DOCK3: variants seen among roughly 807,000 people sequenced by gnomAD.
The protein encoded by DOCK3 is dedicator of cytokinesis protein 3.
DOCK3 carries 60 observed loss-of-function variants against 265.6 expected under a neutral mutation model. The ratio of observed to expected loss-of-function variants is 0.23; its 90% CI spans 0.18 to 0.28. The LOEUF is 0.28. Among genes scored for constraint, DOCK3 ranks in the 10% least tolerant of loss-of-function variants. DOCK3 has a pLI of 1.00. For synonymous variants in DOCK3, 881 were observed against 938.0 expected (o/e 0.94, Z 1.11); for missense variants, 1,981 against 2,594.3 (o/e 0.76, Z 5.14).
intron 2 of DOCK3, among the ~76,000 whole-genome samples, chr3:50,790,837 A>G (rs1221598820): frequency 6.6e-6 from 1 of 151,982 alleles, no homozygotes; most frequent in African/African-American, 2.4e-5. Flanking sequence ...ATGGTATCTC[A>G]TTGTGATTTT....
At chr3:50,768,283 A>G (rs1250713371) in intron 1 of DOCK3, among the ~76,000 whole-genome samples, 1 of 152,108 alleles carries the variant, frequency 6.6e-6, no homozygotes, top group Admixed American at 6.6e-5. Flanking sequence ...TTATTTTGAG[A>G]TATGTCCCAT....
chr3:51,294,307 G>A (rs1184171634), intron 27 of DOCK3, among the ~76,000 whole-genome samples: 1 of 152,140 alleles, frequency 6.6e-6, no homozygotes, highest in African/African-American at 2.4e-5. Context: ...GATGAACCTG[G>A]AGGACATTAT....
chr3:51,093,363 G>A (rs149173528), intron 9 of DOCK3, among the ~76,000 whole-genome samples: 189 of 152,272 alleles, frequency 1.2e-3, no homozygotes, highest in African/African-American at 4.2e-3. Context: ...TCCTTGAGCA[G>A]TGGTTTGTAG....
At chr3:51,282,173 C>G (rs1208573626) in intron 27 of DOCK3, among the ~76,000 whole-genome samples, 2 of 152,080 alleles carry the variant, frequency 1.3e-5, no homozygotes, top group South Asian at 2.1e-4. Flanking sequence ...GAGGAAGTAA[C>G]TTGTGGAATG....
chr3:51,307,592 C>T (rs2082756806), intron 27 of DOCK3, among the ~76,000 whole-genome samples: 1 of 152,184 alleles, frequency 6.6e-6, no homozygotes. Flanking sequence ...ACTGTCATTG[C>T]TCCAGCACTT....
intron 12 of DOCK3, among the ~76,000 whole-genome samples, chr3:51,194,753 G>T (rs1576371732): frequency 6.6e-6 from 1 of 150,604 alleles, no homozygotes; most frequent in East Asian, 2.0e-4. Flanking sequence ...TATTTGCAGA[G>T]AATATCTTGT....
chr3:51,274,267 T>C (rs1175038432), intron 24 of DOCK3, among the ~76,000 whole-genome samples: 1 of 152,150 alleles, frequency 6.6e-6, no homozygotes, highest in Non-Finnish European at 1.5e-5. Flanking sequence ...CTAACAAGCC[T>C]GTGGGGGAAA....
chr3:51,020,569 C>T lies in DOCK3; in HGVS notation c.316-43879C>T, dbSNP rs548960321. Among the ~76,000 whole-genome samples, 3 of 151,930 alleles carry T rather than the reference C, an allele frequency of 2.0e-5. No homozygotes were observed. In the East Asian group the frequency reaches 5.8e-4, roughly 29 times the overall value. On this transcript the variant is annotated intron_variant, in intron 5 of 52. Transcript: ENST00000266037. ...TTTTGCTGTATCCTGGATGTTATTG[C>T]CTAGGTTGTCTTCCAGGGTTTTTAT...
In DOCK3 at chr3:50,675,550, G is replaced by T. The variant is rs573797249; in HGVS notation, c.37+250G>T. On this transcript the variant is annotated intron_variant, in intron 1 of 52. Transcript: ENST00000266037. The surrounding 1 kb of genome is among the most constrained non-coding windows in gnomAD (Gnocchi z 6.1). ...CTTGGCAGGTGCGGCCCGCGGGAGG[G>T]GTGGGCAAGGCCCGGGCAGTTGCCC... 4.5e-4 allele frequency among the ~76,000 whole-genome samples: 68 copies of T among 152,268 alleles called. No individual in the cohort carries two copies. The highest frequency in any genetic ancestry group is 8.7e-4 in the Non-Finnish European group (59 of 67,994).
rs1021385454 is a variant in DOCK3 at position 51,311,716 on chromosome 3, G to T, written c.3018-288G>T. ...ACCACCTTTTATAGGCAGGGAAAAT[G>T]AGACCCAGAGAGAAGTATGAAGGCC... On this transcript the variant is annotated intron_variant, in intron 28 of 52. Coordinates refer to ENST00000266037, the MANE Select transcript of DOCK3 (RefSeq NM_004947.5). Among the ~76,000 whole-genome samples, 5 of 152,276 alleles carry T rather than the reference G, an allele frequency of 3.3e-5. No homozygotes were observed. The South Asian group carries it at 1.0e-3, about 32-fold the overall frequency.
chr3:51,083,708 C>T (rs1354540037), intron 7 of DOCK3, among the ~76,000 whole-genome samples: 5 of 152,150 alleles, frequency 3.3e-5, no homozygotes, highest in African/African-American at 4.8e-5. Context: ...TCTGGCCAAG[C>T]GCAGTGGCTC....
At chr3:51,041,162 G>GTGTGTA (rs1449167574) in intron 5 of DOCK3, among the ~76,000 whole-genome samples, 1 of 30,860 alleles carries the variant, frequency 3.2e-5, no homozygotes, top group Non-Finnish European at 7.1e-5. Context: ...CTTACAAAAT[G>GTGTGTA]TATATATATA....
intron 5 of DOCK3, among the ~76,000 whole-genome samples, chr3:51,010,321 A>C (rs1056466163): frequency 1.3e-5 from 2 of 152,178 alleles, no homozygotes; most frequent in Non-Finnish European, 2.9e-5. Context: ...GTGCATATAC[A>C]TTTAGGATAT....
intron 3 of DOCK3, among the ~76,000 whole-genome samples, chr3:50,882,663 T>G (rs2048108680): frequency 6.6e-6 from 1 of 152,170 alleles, no homozygotes; most frequent in African/African-American, 2.4e-5. Context: ...TTTTACACTG[T>G]TGGTGGGACT....
intron 1 of DOCK3, among the ~76,000 whole-genome samples, chr3:50,774,789 A>G (rs1576398101): frequency 1.3e-5 from 2 of 151,998 alleles, no homozygotes; most frequent in East Asian, 1.9e-4. Context: ...TGTTTTGTAT[A>G]TCACCAGTGT....
intron 2 of DOCK3, among the ~76,000 whole-genome samples, chr3:50,825,507 A>G (rs2044706693): frequency 6.6e-6 from 1 of 152,116 alleles, no homozygotes; most frequent in Non-Finnish European, 1.5e-5. Flanking sequence ...CTCCTGGTAG[A>G]AGTTTTGAGG....
intron 27 of DOCK3, among the ~76,000 whole-genome samples, chr3:51,305,713 T>TGCCTGTGTGTGTGTGTGTGC (rs2082619531): frequency 8.5e-6 from 1 of 118,044 alleles, no homozygotes; most frequent in Non-Finnish European, 1.7e-5. Flanking sequence ...AGTGTGTGTG[T>TGCCTGTGTGTGTGTGTGTGC]GTCTGTGTGT....
chr3:51,011,108 T>C (rs1309840522), intron 5 of DOCK3, among the ~76,000 whole-genome samples: 1 of 152,160 alleles, frequency 6.6e-6, no homozygotes, highest in Non-Finnish European at 1.5e-5. Flanking sequence ...TTGGAGTTGC[T>C]CTTCTCGAGG....
chr3:51,360,154 A>G (rs574444709), intron 46 of DOCK3, among the ~76,000 whole-genome samples: 20 of 152,320 alleles, frequency 1.3e-4, no homozygotes, highest in African/African-American at 4.8e-4. Flanking sequence ...ACTAATAATA[A>G]GCTCTTCCTC....
Sources: gnomAD v4.1 joint callset for allele counts (sites outside exome capture counted in the v4.1 genomes callset) on GRCh38, gnomAD v4.1.1 for gene constraint, Gnocchi (gnomAD v3.1) non-coding constraint, MANE v1.5 for transcripts, NCBI Gene and HGNC (gene_info 2026-07-23, HGNC 2026-07-21) for gene names.